SMIM35: variants seen among roughly 807,000 people sequenced by gnomAD.
SMIM35 encodes small integral membrane protein 35, also known as TMPRSS4 antisense RNA 1 (non-protein coding).
At chr11:118,039,192 G>T (rs935293787) in intron 1 of SMIM35, among the ~76,000 whole-genome samples, 1 of 152,186 alleles carries the variant, frequency 6.6e-6, no homozygotes, top group Non-Finnish European at 1.5e-5. Flanking sequence ...CCAACTGGGA[G>T]GCAAGAGAAG....
At chr11:118,068,600 C>G (rs909401824) in intron 1 of SMIM35, among the ~76,000 whole-genome samples, 1 of 152,164 alleles carries the variant, frequency 6.6e-6, no homozygotes, top group African/African-American at 2.4e-5. Flanking sequence ...GAACCCACCC[C>G]TCTGCAGGCA....
At chr11:118,067,742 G>GA (rs955084628) in intron 1 of SMIM35, among the ~76,000 whole-genome samples, 2 of 151,062 alleles carry the variant, frequency 1.3e-5, no homozygotes, top group African/African-American at 2.4e-5. Context: ...TGAGGTGGGA[G>GA]AATCGCTTGA....
At chr11:118,054,641 G>A (rs750773223) in intron 1 of SMIM35, among the ~76,000 whole-genome samples, 26 of 152,050 alleles carry the variant, frequency 1.7e-4, no homozygotes, top group African/African-American at 2.2e-4. Context: ...GTGTTTATGC[G>A]TGCAAAAATA....
intron 1 of SMIM35, chr11:118,025,781 A>C (rs1462860373): frequency 2.2e-6 from 1 of 448,650 alleles, no homozygotes. Flanking sequence ...TGCTGTGCAG[A>C]AGCCCTTTAG....
intron 1 of SMIM35, among the ~76,000 whole-genome samples, chr11:118,049,902 G>A (rs938667845): frequency 2.7e-4 from 41 of 152,212 alleles, no homozygotes; most frequent in African/African-American, 9.6e-4. Flanking sequence ...TGCTGAGGGA[G>A]GATAGTCAGG....
chr11:118,029,849 A>T (rs985092998), intron 1 of SMIM35: 1 of 455,022 alleles, frequency 2.2e-6, no homozygotes, highest in Middle Eastern at 3.3e-4. Flanking sequence ...TAATGCTAGC[A>T]TCTGCCTCCT....
chr11:118,036,849 AG>A (rs1382284756), intron 1 of SMIM35, among the ~76,000 whole-genome samples: 1 of 152,246 alleles, frequency 6.6e-6, no homozygotes, highest in African/African-American at 2.4e-5. Context: ...GACCCAAAGA[AG>A]GTAGCCATTG....
intron 1 of SMIM35, among the ~76,000 whole-genome samples, chr11:118,084,524 G>A (rs893218644): frequency 1.3e-5 from 2 of 152,238 alleles, no homozygotes; most frequent in African/African-American, 2.4e-5. Context: ...GAGATTGGCT[G>A]CAGCAGCCAC....
intron 1 of SMIM35, among the ~76,000 whole-genome samples, chr11:118,039,504 G>A (rs1190198961): frequency 6.6e-6 from 1 of 152,068 alleles, no homozygotes; most frequent in African/African-American, 2.4e-5. Context: ...GAGCCCAGGA[G>A]TTCAAGACCA....
At chr11:118,019,036 A>C (rs2058205481) in intron 1 of SMIM35, among the ~76,000 whole-genome samples, 1 of 152,054 alleles carries the variant, frequency 6.6e-6, no homozygotes, top group Non-Finnish European at 1.5e-5. Flanking sequence ...CCTCCAAGTA[A>C]ATACCCTCCC....
intron 1 of SMIM35, among the ~76,000 whole-genome samples, chr11:118,051,093 G>A (rs1223841794): frequency 6.6e-6 from 1 of 152,226 alleles, no homozygotes. Flanking sequence ...TTGCCTGTAT[G>A]CAGAGCCAAG....
chr11:118,072,733 T>A (rs1227183902), intron 1 of SMIM35, among the ~76,000 whole-genome samples: 1 of 152,234 alleles, frequency 6.6e-6, no homozygotes, highest in East Asian at 1.9e-4. Flanking sequence ...CCTGTCTCCT[T>A]CAGTAGACTG....
Position 118,025,866 on chromosome 11 carries a change from C to G in SMIM35, c.8-10057G>C, listed in dbSNP as rs1223405335. The G allele has an allele frequency of 6.9e-6, 3 of 432,462 alleles. No individual in the cohort carries two copies. In the East Asian group the frequency reaches 2.2e-4, roughly 31 times the overall value. The allele number at this position is 432,462 out of a possible 1,614,324, so 26.8% of individuals were successfully genotyped here. ...GGAAACTTAGTCATAAATTCTTTGC[C>G]AAGGCCAATGTCCAGAATGGTATTT... On this transcript the variant is annotated intron_variant, in intron 1 of 4. Transcript: ENST00000689828.
chr11:118,019,545 T>C (rs2058208849), intron 1 of SMIM35, among the ~76,000 whole-genome samples: 1 of 152,230 alleles, frequency 6.6e-6, no homozygotes, highest in Non-Finnish European at 1.5e-5. Flanking sequence ...TCCCCCAAAG[T>C]CTTTGGCTGT....
chr11:118,037,177 T>C (rs2058365830), intron 1 of SMIM35, among the ~76,000 whole-genome samples: 1 of 152,220 alleles, frequency 6.6e-6, no homozygotes, highest in African/African-American at 2.4e-5. Context: ...TGCTTCCTGC[T>C]GAACTGGGGT....
At chr11:118,055,131 G>T (rs943692975) in intron 1 of SMIM35, among the ~76,000 whole-genome samples, 1 of 152,100 alleles carries the variant, frequency 6.6e-6, no homozygotes, top group African/African-American at 2.4e-5. Context: ...GAACTTTCAG[G>T]ATTTCAACAT....
intron 4 of SMIM35, among the ~76,000 whole-genome samples, chr11:118,007,793 C>G (rs1374888942): frequency 6.6e-6 from 1 of 152,142 alleles, no homozygotes; most frequent in Non-Finnish European, 1.5e-5. Context: ...GTAGACCAAC[C>G]CAATAGCTCT....
At chr11:118,034,992 C>T (rs961041585) in intron 1 of SMIM35, among the ~76,000 whole-genome samples, 4 of 150,128 alleles carry the variant, frequency 2.7e-5, no homozygotes, top group African/African-American at 9.8e-5. Flanking sequence ...CACTCTGTCG[C>T]CCAGGCTGGA....
intron 1 of SMIM35, among the ~76,000 whole-genome samples, chr11:118,051,421 G>C (rs572157947): frequency 6.6e-6 from 1 of 152,354 alleles, no homozygotes; most frequent in East Asian, 1.9e-4. Context: ...AACACAGCTG[G>C]ATGCTCGGTT....
Sources: gnomAD v4.1 joint callset for allele counts (sites outside exome capture counted in the v4.1 genomes callset) on GRCh38, gnomAD v4.1.1 for gene constraint, MANE v1.5 for transcripts, NCBI Gene and HGNC (gene_info 2026-07-23, HGNC 2026-07-21) for gene names.